CACNA2D4: variants seen among roughly 807,000 people sequenced by gnomAD.
The protein encoded by CACNA2D4 is calcium voltage-gated channel auxiliary subunit alpha2delta 4.
Under a neutral mutation model 163.8 loss-of-function variants are expected in CACNA2D4, and 157 were observed. That is an observed-to-expected ratio of 0.96 (90% confidence interval 0.84 to 1.09). The LOEUF (loss-of-function observed/expected upper bound fraction) is 1.09, where lower values mean the gene tolerates loss of function less well. Ranked by LOEUF, CACNA2D4 falls within the 50% of genes least tolerant of loss-of-function variation. The pLI, the probability that CACNA2D4 is intolerant of heterozygous loss-of-function variation, is 0.00. For missense variants in CACNA2D4, 1,410 were observed against 1,479.9 expected (o/e 0.95, Z 0.78); for synonymous variants, 598 against 586.9 (o/e 1.02, Z -0.27).
Position 1,829,507 on chromosome 12 carries a change from G to GTT in CACNA2D4, c.2551+11230_2551+11231dup, listed in dbSNP as rs1416865336. On this transcript the variant is annotated intron_variant, in intron 26 of 37. Transcript: ENST00000382722. This position sits in a 1 kb window ranked among gnomAD's most constrained non-coding sequence, Gnocchi z 4.2. ...CTCGCCAAGAACAGTGAGGCTTGCTGTTAGGCTGCAGGGAGGCCTGGGCCA... is the reference window on the plus strand; with the variant it reads ...CTCGCCAAGAACAGTGAGGCTTGCTGTTTTAGGCTGCAGGGAGGCCTGGGCCA... Among the ~76,000 whole-genome samples, 3 of 152,072 alleles carry GTT rather than the reference G, an allele frequency of 2.0e-5. No individual in the cohort carries two copies. Among genetic ancestry groups the GTT allele is most frequent in the Non-Finnish European group, 4.4e-5 (3 of 67,980 alleles).
chr12:1,831,536 C>T, intron 26 of CACNA2D4: 1 of 1,604,740 alleles, frequency 6.2e-7, no homozygotes, highest in Non-Finnish European at 8.5e-7. Context: ...GTGAGCGCAG[C>T]CGGCCCTGCT....
intron 36 of CACNA2D4, 37 bp downstream of exon 36, chr12:1,795,631 G>A (rs202018678): frequency 1.4e-6 from 2 of 1,407,694 alleles, no homozygotes; most frequent in South Asian, 1.2e-5. Flanking sequence ...TACAGCCCCC[G>A]CCCCCACCGC....
chr12:1,851,126 T>G (rs904165118), intron 23 of CACNA2D4, among the ~76,000 whole-genome samples: 8 of 151,728 alleles, frequency 5.3e-5, no homozygotes, highest in African/African-American at 1.7e-4. Flanking sequence ...AAAGTGATCC[T>G]CCCACCTGAG....
In CACNA2D4 at chr12:1,834,465, A is replaced by G; in HGVS notation, c.2551+6274T>C. On this transcript the variant is annotated intron_variant, in intron 26 of 37. Coordinates refer to ENST00000382722, the MANE Select transcript of CACNA2D4 (RefSeq NM_172364.5). This position sits in a 1 kb window ranked among gnomAD's most constrained non-coding sequence, Gnocchi z 7.6. ...AAGCCCAAGCCCGGGGCTGAGCCGG[A>G]GCCGGAGCCCAGCACAGCCTGCCCA... 6.2e-7 allele frequency: 1 copy of G among 1,610,952 alleles called. No individual in the cohort carries two copies. Among genetic ancestry groups the G allele is most frequent in the Non-Finnish European group, 8.5e-7 (1 of 1,179,820 alleles).
rs185764159 is a variant in CACNA2D4, at chr12:1,852,080, C to T, written c.2246+1871G>A. Among the ~76,000 whole-genome samples, 20 of 152,092 alleles carry T rather than the reference C, an allele frequency of 1.3e-4. 1 individual carries two copies. The East Asian group carries it at 3.7e-3, about 28-fold the overall frequency. ...AATTTTTGAATGTTGATATTATAACCTGCTATTTTACTAAATTCTCTCATT... is the reference window on the plus strand; with the variant it reads ...AATTTTTGAATGTTGATATTATAACTTGCTATTTTACTAAATTCTCTCATT... On this transcript the variant is annotated intron_variant, in intron 23 of 37. Transcript: ENST00000382722.
At position 1,881,842 on chromosome 12, in the gene CACNA2D4, A is replaced by C. The variant is rs573786376; in HGVS notation, c.1485+1025T>G. 9.8e-5 allele frequency among the ~76,000 whole-genome samples: 15 copies of C among 152,324 alleles called. No homozygotes were observed. In the East Asian group the frequency reaches 2.9e-3, roughly 29 times the overall value. On this transcript the variant is annotated intron_variant, in intron 13 of 37. Coordinates refer to ENST00000382722, the MANE Select transcript of CACNA2D4 (RefSeq NM_172364.5). ...GTAGATTAATGAGCTTTTCATCCCA[A>C]ATTTGGCCAGATGGCTTATGTCTAC... is the stretch of plus-strand genomic sequence containing the variant.
chr12:1,801,462 G>GC, intron 30 of CACNA2D4, 112 bp downstream of exon 30: 1 of 904,996 alleles, frequency 1.1e-6, no homozygotes, highest in Admixed American at 2.0e-5. Context: ...CTCTTTGGGG[G>GC]CACCCACTGT....
intron 1 of CACNA2D4, among the ~76,000 whole-genome samples, chr12:1,915,503 C>T (rs1009761532): frequency 6.6e-6 from 1 of 152,224 alleles, no homozygotes; most frequent in East Asian, 1.9e-4. Context: ...CTCAATAAAT[C>T]GTTCCCTCCA....
Position 1,882,996 on chromosome 12 carries a change from G to C in CACNA2D4, c.1356C>G (p.Tyr452Ter), listed in dbSNP as rs1279778819. The C allele has an allele frequency of 2.5e-6, 4 of 1,612,420 alleles. No homozygotes were observed. The highest frequency in any genetic ancestry group is 3.4e-6 in the Non-Finnish European group (4 of 1,179,346). The change falls in exon 13 of 38, where the codon TAC becomes TAG. Residue 452 changes from tyrosine (Y) to a stop codon, truncating the protein, a stop_gained. Coordinates refer to ENST00000382722, the MANE Select transcript of CACNA2D4 (RefSeq NM_172364.5). LOFTEE classifies it high-confidence loss of function. ...CCGCCAGCGTTGAGATCTGCGTGTA[G>C]TAGCCTGCGGTGGGGAAGGCCGCGT... is the stretch of plus-strand genomic sequence containing the variant. Reference protein sequence around the residue: ...MKWIACNNKGYYTQISTLADT... With the variant: ...MKWIACNNKG
At chr12:1,853,175 A>G (rs1392935717) in intron 23 of CACNA2D4, among the ~76,000 whole-genome samples, 9 of 152,162 alleles carry the variant, frequency 5.9e-5, no homozygotes, top group African/African-American at 1.2e-4. Context: ...TTGCGTAGAC[A>G]GTATACAGAT....
intron 26 of CACNA2D4, chr12:1,830,887 G>A (rs1238237063): frequency 2.0e-6 from 3 of 1,467,536 alleles, no homozygotes; most frequent in Admixed American, 2.1e-5. Context: ...GCAGGAGGTG[G>A]TGACCCGTCC....
chr12:1,815,241 C>G (rs1438572614), intron 26 of CACNA2D4, among the ~76,000 whole-genome samples: 2 of 152,214 alleles, frequency 1.3e-5, no homozygotes, highest in Non-Finnish European at 2.9e-5. Flanking sequence ...GGAACTGGCT[C>G]TGCTGATTTC....
intron 26 of CACNA2D4, among the ~76,000 whole-genome samples, chr12:1,817,695 G>T (rs546522395): frequency 6.6e-6 from 1 of 151,934 alleles, no homozygotes; most frequent in Non-Finnish European, 1.5e-5. Flanking sequence ...TGTGTTGGCC[G>T]GGCTGGTCTC....
At chr12:1,871,451 GGTGT>G (rs957414839) in intron 18 of CACNA2D4, among the ~76,000 whole-genome samples, 4 of 147,666 alleles carry the variant, frequency 2.7e-5, no homozygotes, top group Non-Finnish European at 5.9e-5. Context: ...GTATGTTGCT[GGTGT>G]GTGTGTACAC....
In CACNA2D4 at chr12:1,894,706, G is replaced by A. The variant is rs75670588; in HGVS notation, c.782-7637C>T. On this transcript the variant is annotated intron_variant, in intron 6 of 37. Coordinates refer to ENST00000382722, the MANE Select transcript of CACNA2D4 (RefSeq NM_172364.5). The stretch of plus-strand genomic sequence containing the variant: ...AGCATTGCTTCATGATTAGAAACTC[G>A]CAGCAAACTAGGCATAGAAGGAAAA... Among the ~76,000 whole-genome samples the A allele has an allele frequency of 1.6e-3, 237 of 152,120 alleles. 5 individuals are homozygous for A. The East Asian group carries it at 0.041, about 26-fold the overall frequency.
chr12:1,795,916 G>C (rs1195627865), intron 35 of CACNA2D4, 136 bp from the exon 36 acceptor site: 9 of 669,814 alleles, frequency 1.3e-5, no homozygotes, highest in Non-Finnish European at 2.4e-5. Flanking sequence ...GGCGGGTCGG[G>C]GCAGCTAAGG....
chr12:1,886,939 G>A lies in CACNA2D4; in HGVS notation c.842+70C>T, dbSNP rs1866160666. The A allele has an allele frequency of 6.3e-6, 7 of 1,113,630 alleles. No individual in the cohort carries two copies. In the South Asian group the frequency reaches 8.2e-5, roughly 13 times the overall value. 69.0% of individuals were successfully genotyped at this position (1,113,630 alleles called of 1,614,324 possible). A position where few individuals can be genotyped will look rare whatever the true frequency, so the allele number is the denominator to read the frequency against. On this transcript the variant is annotated intron_variant, in intron 7 of 37. Coordinates refer to ENST00000382722, the MANE Select transcript of CACNA2D4 (RefSeq NM_172364.5). ...TGGGGGAAGGGGCGGAAGTGGAGGAGGATGAGGCAAAACCCAAAAGCTATG... is the reference window on the plus strand; with the variant it reads ...TGGGGGAAGGGGCGGAAGTGGAGGAAGATGAGGCAAAACCCAAAAGCTATG...
At chr12:1,847,618 T>C (rs1865178530) in intron 23 of CACNA2D4, among the ~76,000 whole-genome samples, 1 of 152,184 alleles carries the variant, frequency 6.6e-6, no homozygotes, top group Admixed American at 6.5e-5. Context: ...CCCAGACCTC[T>C]GAGTCAGACT....
chr12:1,825,005 C>T (rs1864257988), intron 26 of CACNA2D4, among the ~76,000 whole-genome samples: 1 of 152,260 alleles, frequency 6.6e-6, no homozygotes, highest in Non-Finnish European at 1.5e-5. Flanking sequence ...TCCGCATGAA[C>T]CTGGGGGCCT....
Sources: gnomAD v4.1 joint callset for allele counts (sites outside exome capture counted in the v4.1 genomes callset) on GRCh38, gnomAD v4.1.1 for gene constraint, Gnocchi (gnomAD v3.1) non-coding constraint, MANE v1.5 for transcripts, NCBI Gene and HGNC (gene_info 2026-07-23, HGNC 2026-07-21) for gene names.